AFAP1: variants seen among roughly 807,000 people sequenced by gnomAD.
AFAP1 encodes the protein actin filament-associated protein 1.
AFAP1 carries 75 observed loss-of-function variants against 93.9 expected under a neutral mutation model. That is an observed-to-expected ratio of 0.80 (90% CI 0.66 to 0.97). The LOEUF (loss-of-function observed/expected upper bound fraction) is 0.97. Among genes scored for constraint, AFAP1 ranks in the 50% least tolerant of loss-of-function variants. The pLI, the probability that AFAP1 is intolerant of heterozygous loss-of-function variation, is 0.00. For missense variants in AFAP1, 1,201 were observed against 1,050.8 expected (o/e 1.14, Z -1.98); for synonymous variants, 517 against 430.7 (o/e 1.20, Z -2.48).
intron 1 of AFAP1, among the ~76,000 whole-genome samples, chr4:7,872,608 A>C (rs536211301): frequency 6.6e-6 from 1 of 152,256 alleles, no homozygotes; most frequent in South Asian, 2.1e-4. Context: ...CTGAATTCCC[A>C]CCATGCCTTT....
chr4:7,878,197 G>A (rs1254641412), intron 1 of AFAP1, among the ~76,000 whole-genome samples: 1 of 152,144 alleles, frequency 6.6e-6, no homozygotes, highest in African/African-American at 2.4e-5. Context: ...TATAAATAAA[G>A]GTCTGGTGAA....
At chr4:7,848,566 G>A (rs551952706) in intron 4 of AFAP1, among the ~76,000 whole-genome samples, 38 of 152,262 alleles carry the variant, frequency 2.5e-4, no homozygotes, top group African/African-American at 9.1e-4. Context: ...GGAAAAGAGA[G>A]GCCCACGTGC....
At chr4:7,871,704 A>G (rs1000260254) in intron 2 of AFAP1, among the ~76,000 whole-genome samples, 2 of 152,192 alleles carry the variant, frequency 1.3e-5, no homozygotes, top group African/African-American at 4.8e-5. Flanking sequence ...GTAATCTCCA[A>G]ACGCTGGGGT....
At chr4:7,837,578 C>A (rs558642729) in intron 6 of AFAP1, among the ~76,000 whole-genome samples, 1 of 152,288 alleles carries the variant, frequency 6.6e-6, no homozygotes, top group South Asian at 2.1e-4. Context: ...TTCATCAGAG[C>A]AATCCAAGTA....
At chr4:7,874,403 AC>A (rs1247433726) in intron 1 of AFAP1, among the ~76,000 whole-genome samples, 1 of 123,740 alleles carries the variant, frequency 8.1e-6, no homozygotes, top group East Asian at 2.4e-4. Flanking sequence ...TTCCTTTGTC[AC>A]CCAGGCTGGA....
At chr4:7,884,848 G>A (rs1211691091) in intron 1 of AFAP1, among the ~76,000 whole-genome samples, 2 of 152,214 alleles carry the variant, frequency 1.3e-5, no homozygotes, top group Admixed American at 6.5e-5. Context: ...AAAAGTATGA[G>A]CTCCTGGAGA....
At chr4:7,776,115 C>G (rs1215025926) in intron 14 of AFAP1, 1 of 152,234 alleles carries the variant, frequency 6.6e-6, no homozygotes, top group Non-Finnish European at 1.5e-5. Context: ...GTCTCCCAGT[C>G]GCTTCTAACA....
At position 7,768,960 on chromosome 4, in the gene AFAP1, A is replaced by C. The variant is rs745982783; in HGVS notation, c.2302T>G (p.Cys768Gly). 2.5e-6 allele frequency: 4 copies of C among 1,613,776 alleles called. No individual in the cohort carries two copies. The highest frequency in any genetic ancestry group is 3.4e-6 in the Non-Finnish European group (4 of 1,179,760). The part of the protein sequence containing the change: ...RTLENSPISS[C>G]DTSDTEGPVP... ...GGGCCCTCGGTGTCACTGGTGTCACAGCTGGAGATGGGCGAGTTTTCCAGG... is the reference window on the plus strand; with the variant it reads ...GGGCCCTCGGTGTCACTGGTGTCACCGCTGGAGATGGGCGAGTTTTCCAGG... The change falls in exon 17 of 18, where the codon TGT becomes GGT. Residue 768 changes from cysteine (C) to glycine (G), a missense_variant. Cys to Gly is a radical substitution (Grantham distance 159). Coordinates refer to ENST00000420658, the MANE Select transcript of AFAP1 (RefSeq NM_001134647.2).
intron 1 of AFAP1, among the ~76,000 whole-genome samples, chr4:7,926,691 G>C (rs1017082928): frequency 2.6e-5 from 4 of 152,140 alleles, no homozygotes; most frequent in Non-Finnish European, 5.9e-5. Flanking sequence ...GGCTGCTGTA[G>C]GGCCTCTTCC....
chr4:7,881,111 C>G (rs1439998900), intron 1 of AFAP1, among the ~76,000 whole-genome samples: 1 of 152,152 alleles, frequency 6.6e-6, no homozygotes, highest in African/African-American at 2.4e-5. Flanking sequence ...TAGAAACTCC[C>G]AGGACCTAGA....
chr4:7,837,245 T>C (rs1490600367), intron 6 of AFAP1, among the ~76,000 whole-genome samples: 1 of 152,196 alleles, frequency 6.6e-6, no homozygotes, highest in African/African-American at 2.4e-5. Flanking sequence ...ACTACTGCCA[T>C]GGACGGAATG....
chr4:7,894,618 C>T (rs760367387), intron 1 of AFAP1, among the ~76,000 whole-genome samples: 7 of 152,198 alleles, frequency 4.6e-5, no homozygotes, highest in Non-Finnish European at 8.8e-5. Flanking sequence ...CCTGGTCCAT[C>T]TGTGTCTGCC....
chr4:7,782,873 C>A (rs1449001200), intron 12 of AFAP1, among the ~76,000 whole-genome samples: 1 of 152,146 alleles, frequency 6.6e-6, no homozygotes, highest in South Asian at 2.1e-4. Flanking sequence ...CAGATAAACT[C>A]GGATATGAGA....
At chr4:7,911,084 C>T (rs1400550240) in intron 1 of AFAP1, among the ~76,000 whole-genome samples, 1 of 152,202 alleles carries the variant, frequency 6.6e-6, no homozygotes, top group Non-Finnish European at 1.5e-5. Flanking sequence ...CTGTCTCCAA[C>T]GGGTCTTTTA....
In AFAP1 at chr4:7,793,741, T is replaced by C. The variant is rs1274840860; in HGVS notation, c.1352A>G (p.Tyr451Cys). The C allele has an allele frequency of 1.1e-5, 18 of 1,579,560 alleles. No homozygotes were observed. Among genetic ancestry groups the C allele is most frequent in the Non-Finnish European group, 1.4e-5 (16 of 1,153,444 alleles). The change falls in exon 11 of 18, where the codon TAT (tyrosine) becomes TGT (cysteine). Residue 451 changes from tyrosine (Y) to cysteine (C), a missense_variant. Tyr to Cys is a radical substitution (Grantham distance 194). Coordinates refer to ENST00000420658, the MANE Select transcript of AFAP1 (RefSeq NM_001134647.2). Reference protein sequence around the residue: ...GSSTDPEALHYDYIDVEMSAS... With the variant: ...GSSTDPEALHCDYIDVEMSAS... ...AGACATCTCCACATCAATGTAGTCA[T>C]AGTGCAGAGCCTCCGGGTCTGTGGA... is the stretch of plus-strand genomic sequence containing the variant.
chr4:7,852,528 T>C (rs1376325296), intron 4 of AFAP1, among the ~76,000 whole-genome samples: 1 of 152,094 alleles, frequency 6.6e-6, no homozygotes, highest in Non-Finnish European at 1.5e-5. Context: ...CTCTGTGTTC[T>C]CACACCCTCT....
intron 1 of AFAP1, among the ~76,000 whole-genome samples, chr4:7,891,321 G>A (rs1243397279): frequency 2.0e-5 from 3 of 152,200 alleles, no homozygotes; most frequent in East Asian, 1.9e-4. Flanking sequence ...GGTGGAGAAT[G>A]TTCTCCGTCT....
chr4:7,760,140 G>C lies in AFAP1; in HGVS notation c.*3625C>G, dbSNP rs1713576011. 1 of 152,228 alleles carries C rather than the reference G, an allele frequency of 6.6e-6. No homozygotes were observed. The highest frequency in any genetic ancestry group is 2.4e-5 in the African/African-American group (1 of 41,468). The allele number at this position is 152,228 out of a possible 1,614,324, so 9.4% of individuals were successfully genotyped here. A position where few individuals can be genotyped will look rare whatever the true frequency, so the allele number is the denominator to read the frequency against. ...ACAAGCACCAAACTGTGGCCATAAT[G>C]ACAATGAACCTCAAACTCCTTCCTG... is the stretch of plus-strand genomic sequence containing the variant. On this transcript the variant is annotated 3_prime_UTR_variant, in exon 18 of 18. Transcript: ENST00000420658.
At chr4:7,782,084 A>G (rs9917925) in intron 12 of AFAP1, among the ~76,000 whole-genome samples, 24,883 of 152,210 alleles carry the variant, frequency 0.16, 2,395 homozygotes, top group African/African-American at 0.26. Flanking sequence ...GGGTCTACAT[A>G]AAGACACACG....
Sources: gnomAD v4.1 joint callset for allele counts (sites outside exome capture counted in the v4.1 genomes callset) on GRCh38, gnomAD v4.1.1 for gene constraint, MANE v1.5 for transcripts, NCBI Gene and HGNC (gene_info 2026-07-23, HGNC 2026-07-21) for gene names.